ADGRD1: variants seen among roughly 807,000 people sequenced by gnomAD.
The protein encoded by ADGRD1 is G-protein coupled receptor 133.
A neutral mutation model predicts 113.4 loss-of-function variants in ADGRD1; 77 were observed. The ratio of observed to expected loss-of-function variants is 0.68; its 90% confidence interval spans 0.57 to 0.82. The LOEUF (loss-of-function observed/expected upper bound fraction) is 0.82. Among genes scored for constraint, ADGRD1 ranks in the 40% least tolerant of loss-of-function variants. The pLI is 0.00. For synonymous variants in ADGRD1, 474 were observed against 475.0 expected, an observed-to-expected ratio of 1.00 and a Z score of 0.03; for missense variants, 1,036 against 1,139.1, an observed-to-expected ratio of 0.91 and a Z score of 1.30.
intron 17 of ADGRD1, among the ~76,000 whole-genome samples, chr12:131,108,268 A>T (rs1199155107): frequency 1.3e-5 from 2 of 152,232 alleles, no homozygotes; most frequent in African/African-American, 4.8e-5. Context: ...GGGTTCAGCC[A>T]CATGGCAGGC....
chr12:131,050,812 C>T lies in ADGRD1; in HGVS notation c.1474-25989C>T, dbSNP rs996978576. 2.6e-5 allele frequency among the ~76,000 whole-genome samples: 4 copies of T among 152,256 alleles called. No homozygotes were observed. Among genetic ancestry groups the T allele is most frequent in the African/African-American group, 7.2e-5 (3 of 41,542 alleles). On this transcript the variant is annotated intron_variant, in intron 13 of 24. Coordinates refer to ENST00000261654, the MANE Select transcript of ADGRD1 (RefSeq NM_198827.5). This position sits in a 1 kb window ranked among gnomAD's most constrained non-coding sequence, Gnocchi z 4.8. ...CTCAGATCATCAGGCACTAGACTCTCATGAGGAGCTTGAAACCTAGATACC... is the reference window on the plus strand; with the variant it reads ...CTCAGATCATCAGGCACTAGACTCTTATGAGGAGCTTGAAACCTAGATACC...
intron 6 of ADGRD1, chr12:130,989,430 G>A (rs1013111235): frequency 2.0e-5 from 3 of 152,200 alleles, no homozygotes; most frequent in East Asian, 1.9e-4. Context: ...CAAGGCATAC[G>A]ACGTAAAGCA....
chr12:130,997,094 GC>G, intron 8 of ADGRD1, among the ~76,000 whole-genome samples: 1 of 128,444 alleles, frequency 7.8e-6, no homozygotes, highest in Admixed American at 7.3e-5. Flanking sequence ...CCGGGCAGAG[GC>G]ACCCCTCACC....
intron 15 of ADGRD1, among the ~76,000 whole-genome samples, chr12:131,098,449 C>T (rs189613079): frequency 6.6e-6 from 1 of 152,180 alleles, no homozygotes; most frequent in East Asian, 1.9e-4. Context: ...ACAGCGGAAC[C>T]CAAGCCAGGA....
At position 131,030,188 on chromosome 12, in the gene ADGRD1, C is replaced by G. The variant is rs1225629018; in HGVS notation, c.1473+15848C>G. 2.1e-5 allele frequency among the ~76,000 whole-genome samples: 3 copies of G among 143,128 alleles called. No individual in the cohort carries two copies. The East Asian group carries it at 6.2e-4, about 30-fold the overall frequency. The allele number at this position is 143,128 out of a possible 152,430, so 93.9% of individuals were successfully genotyped here. On this transcript the variant is annotated intron_variant, in intron 13 of 24. Transcript: ENST00000261654. ...CCCGTCGTATGGTGACATTCCCAGG[C>G]TCTGGGGTTAGGTTGTGGACCCGTC...
In ADGRD1 at chr12:130,968,752, C is replaced by A. The variant is rs547171105; in HGVS notation, c.187+2206C>A. 120 of 541,646 alleles carry A rather than the reference C, an allele frequency of 2.2e-4. No homozygotes were observed. In the East Asian group the frequency reaches 3.7e-3, roughly 17 times the overall value. 33.6% of individuals were successfully genotyped at this position (541,646 alleles called of 1,614,324 possible). On this transcript the variant is annotated intron_variant, in intron 3 of 24. Transcript: ENST00000261654. ...GCGGCCAAATTCAGCAGCCATCACG[C>A]CCTGGTGTGGGAACTGAGTGGGGCC...
chr12:131,090,935 G>A (rs1333011079), intron 15 of ADGRD1, among the ~76,000 whole-genome samples: 2 of 152,200 alleles, frequency 1.3e-5, no homozygotes, highest in African/African-American at 4.8e-5. Context: ...GGGTAGCTTT[G>A]CTTTACATGT....
chr12:131,080,444 T>C (rs1291998191), intron 14 of ADGRD1, among the ~76,000 whole-genome samples: 1 of 152,202 alleles, frequency 6.6e-6, no homozygotes, highest in Non-Finnish European at 1.5e-5. Context: ...AAAAAGTATA[T>C]TCTTGGTGGA....
chr12:131,036,291 A>ACCGGGC (rs1881370838), intron 13 of ADGRD1, among the ~76,000 whole-genome samples: 18 of 149,412 alleles, frequency 1.2e-4, no homozygotes, highest in Admixed American at 8.7e-4. Context: ...CACTCACTGC[A>ACCGGGC]CTGGGCCTCA....
rs1326344352 is a variant in ADGRD1, at chr12:131,104,915, G to T, written c.1756G>T (p.Val586Phe). 3.9e-6 allele frequency: 6 copies of T among 1,550,656 alleles called. No homozygotes were observed. The highest frequency in any genetic ancestry group is 1.7e-4 in the Middle Eastern group (1 of 5,988). Residue 586 changes from valine to phenylalanine, a missense_variant, in exon 16 of 25, where the codon GTC becomes TTC. Physicochemically the swap from Val to Phe is conservative, Grantham distance 50. Coordinates refer to ENST00000261654, the MANE Select transcript of ADGRD1 (RefSeq NM_198827.5). Reference protein sequence around the residue: ...LSVLCLVATLVTFAVLSSVST... With the variant: ...LSVLCLVATLFTFAVLSSVST... Reference sequence around the variant, plus strand: ...CGTGCTCTGCCTGGTGGCCACGCTGGTCACCTTCGCCGTGCTGTCGTGAGT... The same window carrying T: ...CGTGCTCTGCCTGGTGGCCACGCTGTTCACCTTCGCCGTGCTGTCGTGAGT...
At chr12:131,129,093 G>C (rs867101865) in intron 20 of ADGRD1, among the ~76,000 whole-genome samples, 80 of 108,106 alleles carry the variant, frequency 7.4e-4, no homozygotes, top group African/African-American at 3.1e-3. Flanking sequence ...GCCCCGCCCT[G>C]CTGTCTGGGT....
chr12:131,017,813 G>A (rs1343413913), intron 13 of ADGRD1, among the ~76,000 whole-genome samples: 7 of 117,856 alleles, frequency 5.9e-5, no homozygotes, highest in Admixed American at 2.5e-4. Context: ...CACCCAGTGT[G>A]CACACACCCA....
intron 13 of ADGRD1, among the ~76,000 whole-genome samples, chr12:131,038,204 G>A (rs1881744183): frequency 6.6e-6 from 1 of 152,264 alleles, no homozygotes; most frequent in African/African-American, 2.4e-5. Context: ...CCAGGCCCCT[G>A]TGGAGGGGTT....
chr12:131,009,116 C>T (rs1378080583), intron 12 of ADGRD1, among the ~76,000 whole-genome samples: 1 of 152,216 alleles, frequency 6.6e-6, no homozygotes, highest in African/African-American at 2.4e-5. Context: ...GGGATGTCTG[C>T]CGCACGCCTG....
intron 13 of ADGRD1, among the ~76,000 whole-genome samples, chr12:131,044,163 G>C (rs1444090948): frequency 6.6e-6 from 1 of 152,176 alleles, no homozygotes; most frequent in Non-Finnish European, 1.5e-5. Context: ...ATAAAGCATC[G>C]CTTTCTCACT....
Position 131,136,026 on chromosome 12 carries a change from T to C in ADGRD1, c.2268-11T>C. 2 of 1,613,986 alleles carry C rather than the reference T, an allele frequency of 1.2e-6. No homozygotes were observed. Among genetic ancestry groups the C allele is most frequent in the Non-Finnish European group, 1.7e-6 (2 of 1,179,908 alleles). ...CTGCCACTCAGGGTGACTGTCACTG[T>C]TTCTCTCCAGGTTGACAGCCAAGGC... is the stretch of plus-strand genomic sequence containing the variant. On this transcript the variant is annotated splice_polypyrimidine_tract_variant and intron_variant, in intron 21 of 24. Coordinates refer to ENST00000261654, the MANE Select transcript of ADGRD1 (RefSeq NM_198827.5).
chr12:131,007,798 T>A (rs1200098736), intron 12 of ADGRD1, among the ~76,000 whole-genome samples: 1 of 152,272 alleles, frequency 6.6e-6, no homozygotes, highest in Non-Finnish European at 1.5e-5. Context: ...AACATGTTTT[T>A]CATTTGCAGT....
intron 13 of ADGRD1, among the ~76,000 whole-genome samples, chr12:131,063,366 G>C (rs905310288): frequency 1.8e-4 from 28 of 152,164 alleles, no homozygotes; most frequent in African/African-American, 6.5e-4. Flanking sequence ...TCATCACTAA[G>C]AACTTTTCAT....
At position 131,017,266 on chromosome 12, in the gene ADGRD1, ACC is replaced by A. The variant is rs774953317; in HGVS notation, c.1473+2928_1473+2929del. ...GTCCACATACACTCAGTCCACACAC[ACC>A]CAGTCCACACACACCCAGTGCACAC... On this transcript the variant is annotated intron_variant, in intron 13 of 24. Transcript: ENST00000261654. Among the ~76,000 whole-genome samples the A allele has an allele frequency of 5.3e-4, 79 of 148,952 alleles. 1 individual carries two copies. The highest frequency in any genetic ancestry group is 9.9e-4 in the Non-Finnish European group (67 of 67,338).
Sources: allele counts gnomAD v4.1 joint callset (sites outside exome capture counted in the v4.1 genomes callset), GRCh38; gene constraint gnomAD v4.1.1; non-coding constraint Gnocchi (gnomAD v3.1); transcripts MANE v1.5; gene names NCBI Gene and HGNC (gene_info 2026-07-23, HGNC 2026-07-21).